Variants in PLXNB1 observed in about 807,000 individuals in gnomAD.
PLXNB1 encodes plexin B1.
A neutral mutation model predicts 209.4 loss-of-function variants in PLXNB1; 106 were observed. The observed-to-expected ratio is 0.51, with a 90% CI of 0.43 to 0.59. The LOEUF (loss-of-function observed/expected upper bound fraction) is 0.59. PLXNB1 is among the 20% of genes least tolerant of loss of function. The probability of loss-of-function intolerance (pLI) is 0.00; values close to 1 mark genes in which losing one functional copy is unlikely to be tolerated. For missense variants in PLXNB1, 2,357 were observed against 2,853.2 expected, an observed-to-expected ratio of 0.83 and a Z score of 3.96; for synonymous variants, 1,167 against 1,183.2, an observed-to-expected ratio of 0.99 and a Z score of 0.28.
chr3:48,405,842 A>T lies in PLXNB1; in HGVS notation c.6229-44T>A, dbSNP rs760153943. 2 of 1,532,054 alleles carry T rather than the reference A, an allele frequency of 1.3e-6. No individual in the cohort carries two copies. The highest frequency in any genetic ancestry group is 2.7e-5 in the African/African-American group (2 of 73,386). 94.9% of individuals were successfully genotyped at this position (1,532,054 alleles called of 1,614,324 possible). A position where few individuals can be genotyped will look rare whatever the true frequency, so the allele number is the denominator to read the frequency against. On this transcript the variant is annotated intron_variant, in intron 36 of 37. Coordinates refer to ENST00000296440, the MANE Select transcript of PLXNB1 (RefSeq NM_001130082.3). This position sits in a 1 kb window ranked among gnomAD's most constrained non-coding sequence, Gnocchi z 5.0. ...GAAAGGTGAGAGAGACGAGGGGTGC[A>T]GAGAGCCACAGGAGGCAGCCCAGGA...
rs1259055738 is a variant in PLXNB1 at position 48,429,205 on chromosome 3, CTCGGGAGCCCCGTTCCTCG to C, written c.-60+784_-60+802del. 6.6e-6 allele frequency: 1 copy of C among 152,182 alleles called. No homozygotes were observed. The highest frequency in any genetic ancestry group is 1.5e-5 in the Non-Finnish European group (1 of 68,064). 9.4% of individuals were successfully genotyped at this position (152,182 alleles called of 1,614,324 possible). A position where few individuals can be genotyped will look rare whatever the true frequency, so the allele number is the denominator to read the frequency against. Reference sequence around the variant, plus strand: ...GGATCGGGGCCCCGGCCCGTTCCACCTCGGGAGCCCCGTTCCTCGCCGCCCTGGCCCCGAGCCCCGCACT... The same window carrying C: ...GGATCGGGGCCCCGGCCCGTTCCACCCCGCCCTGGCCCCGAGCCCCGCACT... On this transcript the variant is annotated intron_variant, in intron 1 of 37. Coordinates refer to ENST00000296440, the MANE Select transcript of PLXNB1 (RefSeq NM_001130082.3). This position sits in a 1 kb window ranked among gnomAD's most constrained non-coding sequence, Gnocchi z 6.4.
At position 48,406,477 on chromosome 3, in the gene PLXNB1, G is replaced by T; in HGVS notation, c.6228+346C>A. On this transcript the variant is annotated intron_variant, in intron 36 of 37. Transcript: ENST00000296440. This position sits in a 1 kb window ranked among gnomAD's most constrained non-coding sequence, Gnocchi z 4.4. ...GGGCGGTTTCAGGAATGGGAGAGGT[G>T]AAGGGGACACCTGTGCCACCAAGGG... The T allele has an allele frequency of 1.6e-6, 1 of 627,866 alleles. No individual in the cohort carries two copies. The highest frequency in any genetic ancestry group is 2.0e-6 in the Non-Finnish European group (1 of 503,364). 38.9% of individuals were successfully genotyped at this position (627,866 alleles called of 1,614,324 possible).
At position 48,420,711 on chromosome 3, in the gene PLXNB1, G is replaced by C; in HGVS notation, c.1982C>G (p.Thr661Ser). Reference protein sequence around the residue: ...CNWCVWQHLCTHKASCDAGPM... With the variant: ...CNWCVWQHLCSHKASCDAGPM... ...CCCAGCATCACACGAGGCCTTGTGGGTGCACAGGTGCTGCCAGACACACCA... is the reference window on the plus strand; with the variant it reads ...CCCAGCATCACACGAGGCCTTGTGGCTGCACAGGTGCTGCCAGACACACCA... Residue 661 changes from threonine to serine, a missense_variant, in exon 10 of 38, where the codon ACC becomes AGC. Thr to Ser is a moderately conservative substitution (Grantham distance 58). Transcript: ENST00000296440. The C allele has an allele frequency of 6.2e-7, 1 of 1,614,056 alleles. No homozygotes were observed. The highest frequency in any genetic ancestry group is 8.5e-7 in the Non-Finnish European group (1 of 1,179,996).
chr3:48,408,852 G>A (rs1163076531), intron 34 of PLXNB1, among the ~76,000 whole-genome samples: 1 of 152,078 alleles, frequency 6.6e-6, no homozygotes, highest in Non-Finnish European at 1.5e-5. Context: ...GCTTTTGCCT[G>A]CCCTGCACCC....
chr3:48,412,645 A>G (rs912819123), intron 25 of PLXNB1, 25 bp from the exon 26 acceptor site: 5 of 1,611,948 alleles, frequency 3.1e-6, no homozygotes, highest in Non-Finnish European at 4.2e-6. Context: ...AAGGGATGGG[A>G]AAAGGGGTTT....
chr3:48,423,667 T>C lies in PLXNB1; in HGVS notation c.945A>G (p.Ala315=), dbSNP rs372856216. The C allele has an allele frequency of 4.3e-6, 7 of 1,613,608 alleles. No homozygotes were observed. The highest frequency in any genetic ancestry group is 5.9e-6 in the Non-Finnish European group (7 of 1,179,860). The stretch of plus-strand genomic sequence containing the variant: ...AGGCACAGAGGGCAGAGGCTCCAGA[T>C]GCCCCAGCAGCCGCCGATGGGGGCC... ...VGRPPSAAAG[A]SGASALCAFP... The change falls in exon 3 of 38, where the codon GCA becomes GCG. Residue 315 remains alanine (A), a synonymous_variant. Coordinates refer to ENST00000296440, the MANE Select transcript of PLXNB1 (RefSeq NM_001130082.3).
rs779439745 is a variant in PLXNB1, at chr3:48,414,012, G to A, written c.4269C>T (p.Gly1423=). ...KEEVVAMIGD[G]PCVVKTLTRH... is the part of the protein sequence containing the mutation. ...GCGTCAGCGTCTTCACCACACAGGG[G>A]CCATCCCCTATCATAGCCACCACCT... Residue 1423 remains glycine (G), a synonymous_variant, in exon 22 of 38, where the codon GGC becomes GGT. Transcript: ENST00000296440. 11 of 1,613,954 alleles carry A rather than the reference G, an allele frequency of 6.8e-6. No homozygotes were observed. In the Admixed American group the frequency reaches 1.2e-4, roughly 17 times the overall value.
At position 48,404,561 on chromosome 3, in the gene PLXNB1, C is replaced by T. The variant is rs372019762; in HGVS notation, c.6333G>A (p.Thr2111=). ...GATAGCCCAGCTGCATCTTCTGGGC[C>T]GTGCCATCCTCCTCCAGGGCAGTGA... is the stretch of plus-strand genomic sequence containing the variant. ...QIITALEEDG[T]AQKMQLGYRL... The change falls in exon 38 of 38, where the codon ACG becomes ACA. Residue 2111 remains threonine, a synonymous_variant. Coordinates refer to ENST00000296440, the MANE Select transcript of PLXNB1 (RefSeq NM_001130082.3). The T allele has an allele frequency of 2.6e-5, 42 of 1,613,296 alleles. No homozygotes were observed. Among genetic ancestry groups the T allele is most frequent in the African/African-American group, 8.0e-5 (6 of 74,890 alleles).
Position 48,418,177 on chromosome 3 carries a change from G to A in PLXNB1, c.3222+14C>T. The A allele has an allele frequency of 6.2e-7, 1 of 1,610,550 alleles. No individual in the cohort carries two copies. Among genetic ancestry groups the A allele is most frequent in the Non-Finnish European group, 8.5e-7 (1 of 1,178,660 alleles). The stretch of plus-strand genomic sequence containing the variant: ...GGCAGCACTGAGGAAGGGATGGCCA[G>A]CCTTTCAACAAACCGAGTGGATGAG... On this transcript the variant is annotated intron_variant, in intron 15 of 37. Coordinates refer to ENST00000296440, the MANE Select transcript of PLXNB1 (RefSeq NM_001130082.3). This position sits in a 1 kb window ranked among gnomAD's most constrained non-coding sequence, Gnocchi z 6.6.
Position 48,416,138 on chromosome 3 carries a change from G to T in PLXNB1, c.3510C>A (p.Ala1170=). 9 of 1,598,710 alleles carry T rather than the reference G, an allele frequency of 5.6e-6. No individual in the cohort carries two copies. The highest frequency in any genetic ancestry group is 7.7e-6 in the Non-Finnish European group (9 of 1,172,990). The change falls in exon 18 of 38, where the codon GCC becomes GCA. Residue 1170 remains alanine (A), a synonymous_variant. Coordinates refer to ENST00000296440, the MANE Select transcript of PLXNB1 (RefSeq NM_001130082.3). The surrounding 1 kb of genome is among the most constrained non-coding windows in gnomAD (Gnocchi z 4.1). ...QDPKVHSIFP[A]RGPRAGGTRL... ...GGGTGCCCCCAGCTCTGGGGCCGCG[G>T]GCCGGGAAGATGGAATGGACCTTCG... is the stretch of plus-strand genomic sequence containing the variant.
In PLXNB1 at chr3:48,419,789, C is replaced by T; in HGVS notation, c.2497G>A (p.Gly833Ser). The T allele has an allele frequency of 6.3e-7, 1 of 1,598,560 alleles. No homozygotes were observed. The highest frequency in any genetic ancestry group is 1.7e-5 in the Admixed American group (1 of 57,900). The change falls in exon 11 of 38, where the codon GGC (glycine) becomes AGC (serine). Residue 833 changes from glycine to serine, a missense_variant. By Grantham distance (56) the Gly-to-Ser change is moderately conservative (BLOSUM62 0). Transcript: ENST00000296440. This position sits in a 1 kb window ranked among gnomAD's most constrained non-coding sequence, Gnocchi z 5.7. ...VPATTFPGAM[G>S]SVKPALDWLT... is the part of the protein sequence containing the mutation. Reference sequence around the variant, plus strand: ...CAGTCCAGGGCGGGCTTCACGGAGCCCATGGCCCCTGGGAAAGTGGTGGCA... The same window carrying T: ...CAGTCCAGGGCGGGCTTCACGGAGCTCATGGCCCCTGGGAAAGTGGTGGCA...
Position 48,419,778 on chromosome 3 carries a change from C to G in PLXNB1, c.2508G>C (p.Lys836Asn), listed in dbSNP as rs184077189. 234 of 1,603,072 alleles carry G rather than the reference C, an allele frequency of 1.5e-4. No homozygotes were observed. The African/African-American group carries it at 2.9e-3, about 20-fold the overall frequency. The change falls in exon 11 of 38, where the codon AAG becomes AAC. Residue 836 changes from lysine to asparagine, a missense_variant. Lys to Asn is a moderately conservative substitution (Grantham distance 94, BLOSUM62 0). Transcript: ENST00000296440. This position sits in a 1 kb window ranked among gnomAD's most constrained non-coding sequence, Gnocchi z 5.7. ...TTFPGAMGSV[K>N]PALDWLTREG... The stretch of plus-strand genomic sequence containing the variant: ...CTCTCGTGAGCCAGTCCAGGGCGGG[C>G]TTCACGGAGCCCATGGCCCCTGGGA...
At position 48,416,606 on chromosome 3, in the gene PLXNB1, C is replaced by T; in HGVS notation, c.3375-155G>A. ...ACCCTCTCTCACTTTGGAGGGAATT[C>T]TTTATGACACATCAGAAGGCCTTGG... is the stretch of plus-strand genomic sequence containing the variant. On this transcript the variant is annotated intron_variant, in intron 16 of 37. Coordinates refer to ENST00000296440, the MANE Select transcript of PLXNB1 (RefSeq NM_001130082.3). This position sits in a 1 kb window ranked among gnomAD's most constrained non-coding sequence, Gnocchi z 4.1. 1 of 507,866 alleles carries T rather than the reference C, an allele frequency of 2.0e-6. No individual in the cohort carries two copies. 31.5% of individuals were successfully genotyped at this position (507,866 alleles called of 1,614,324 possible). A position where few individuals can be genotyped will look rare whatever the true frequency, so the allele number is the denominator to read the frequency against.
Position 48,418,284 on chromosome 3 carries a change from C to A in PLXNB1, c.3129G>T (p.Trp1043Cys), listed in dbSNP as rs1396943889. 6.2e-7 allele frequency: 1 copy of A among 1,613,690 alleles called. No individual in the cohort carries two copies. The highest frequency in any genetic ancestry group is 1.7e-5 in the Admixed American group (1 of 60,032). ...CACAACGTGGACGCTCCCCCTCACA[C>A]CACACACAGCCATACTGGGGCATGG... ...QTAMPQYGCV[W>C]CEGERPRCVT... is the part of the protein sequence containing the mutation. The change falls in exon 15 of 38, where the codon TGG (tryptophan) becomes TGT (cysteine). Residue 1043 changes from tryptophan (W) to cysteine (C), a missense_variant. Physicochemically the swap from Trp to Cys is radical, Grantham distance 215. Transcript: ENST00000296440. This position sits in a 1 kb window ranked among gnomAD's most constrained non-coding sequence, Gnocchi z 6.6.
rs1162321887 is a variant in PLXNB1, at chr3:48,422,099, T to A, written c.1520+6A>T. 2 of 1,612,324 alleles carry A rather than the reference T, an allele frequency of 1.2e-6. No individual in the cohort carries two copies. Among genetic ancestry groups the A allele is most frequent in the Admixed American group, 3.3e-5 (2 of 60,002 alleles). On this transcript the variant is annotated splice_donor_region_variant and intron_variant, in intron 6 of 37. Coordinates refer to ENST00000296440, the MANE Select transcript of PLXNB1 (RefSeq NM_001130082.3). ...GCTGGGGCTGGGATGGGGTCAGAAA[T>A]CTGACCTGCCAAGGAGCACGCACCA...
rs528697592 is a variant in PLXNB1, at chr3:48,406,841, G to A, written c.6210C>T (p.Val2070=). 85 of 1,611,662 alleles carry A rather than the reference G, an allele frequency of 5.3e-5. No homozygotes were observed. The South Asian group carries it at 8.3e-4, about 16-fold the overall frequency. ...VPASDQEMNS[V]LAELSWNYSG... ...GCCTTACCCAGGACAGTTCAGCCAGGACAGAGTTCATCTCTTGGTCGCTGG... is the reference window on the plus strand; with the variant it reads ...GCCTTACCCAGGACAGTTCAGCCAGAACAGAGTTCATCTCTTGGTCGCTGG... Residue 2070 remains valine, a synonymous_variant, in exon 36 of 38, where the codon GTC becomes GTT. Coordinates refer to ENST00000296440, the MANE Select transcript of PLXNB1 (RefSeq NM_001130082.3). The surrounding 1 kb of genome is among the most constrained non-coding windows in gnomAD (Gnocchi z 4.4).
intron 27 of PLXNB1, 54 bp from the exon 28 acceptor site, chr3:48,412,063 A>C: frequency 6.3e-7 from 1 of 1,590,642 alleles, no homozygotes; most frequent in South Asian, 1.1e-5. Context: ...GGTGTATGGG[A>C]CATGACGCAC....
Position 48,408,427 on chromosome 3 carries a change from C to T in PLXNB1, c.6087+902G>A, listed in dbSNP as rs180758091. Among the ~76,000 whole-genome samples, 51 of 152,302 alleles carry T rather than the reference C, an allele frequency of 3.3e-4. 1 individual carries two copies. Among genetic ancestry groups the T allele is most frequent in the Admixed American group, 3.0e-3 (46 of 15,296 alleles). Reference sequence around the variant, plus strand: ...CCACTCATGGACCTGCAGAGTCACACGAGGGCCCTGCCCACTGGGTGCTTG... The same window carrying T: ...CCACTCATGGACCTGCAGAGTCACATGAGGGCCCTGCCCACTGGGTGCTTG... On this transcript the variant is annotated intron_variant, in intron 34 of 37. Transcript: ENST00000296440.
At chr3:48,422,597 CG>C in intron 4 of PLXNB1, 138 bp from the exon 5 acceptor site, 1 of 1,277,530 alleles carries the variant, frequency 7.8e-7, no homozygotes, top group Non-Finnish European at 1.1e-6. Context: ...ACTGGCCTAG[CG>C]GGGATGGAGG....
Sources: allele counts gnomAD v4.1 joint callset (sites outside exome capture counted in the v4.1 genomes callset), GRCh38; gene constraint gnomAD v4.1.1; non-coding constraint Gnocchi (gnomAD v3.1); transcripts MANE v1.5; gene names NCBI Gene and HGNC (gene_info 2026-07-23, HGNC 2026-07-21).